C12orf54: variants seen among roughly 807,000 people sequenced by gnomAD.
C12orf54 encodes uncharacterized protein C12orf54.
Under a neutral mutation model 26.4 loss-of-function variants are expected in C12orf54, and 24 were observed. The ratio of observed to expected loss-of-function variants is 0.91; its 90% confidence interval spans 0.66 to 1.28. The LOEUF (loss-of-function observed/expected upper bound fraction) is 1.28. Ranked by LOEUF, C12orf54 falls within the 50% of genes most tolerant of loss-of-function variation. The pLI is 0.00. For missense variants in C12orf54, 154 were observed against 150.9 expected (o/e 1.02, Z -0.11); for synonymous variants, 54 against 47.0 (o/e 1.15, Z -0.61).
chr12:48,455,103 C>T, the C12orf54 span, among the ~76,000 whole-genome samples: 1 of 152,162 alleles, frequency 6.6e-6, no homozygotes, highest in African/African-American at 2.4e-5. Context: ...ATCCCATCCT[C>T]CAACCTCAAG....
intron 4 of C12orf54, chr12:48,488,311 A>G (rs1937703548): frequency 1.8e-6 from 1 of 547,380 alleles, no homozygotes; most frequent in South Asian, 1.7e-5. Flanking sequence ...GGGGAAGCCA[A>G]CAGAGATACC....
At chr12:48,464,135 C>T in the C12orf54 span, among the ~76,000 whole-genome samples, 3 of 152,100 alleles carry the variant, frequency 2.0e-5, no homozygotes, top group Admixed American at 1.3e-4. Flanking sequence ...GGAAGTCAAA[C>T]GATCTTTGTT....
Position 48,494,229 on chromosome 12 carries a change from A to C in C12orf54, c.243-569A>C, listed in dbSNP as rs1426938525. On this transcript the variant is annotated intron_variant, in intron 7 of 8. Transcript: ENST00000548364. The stretch of plus-strand genomic sequence containing the variant: ...AGTGAAACTCTGTCTCAAAAAAAAA[A>C]TTAATTTGACATGCTATGGTTTTTC... 1.3e-5 allele frequency among the ~76,000 whole-genome samples: 2 copies of C among 152,172 alleles called. 1 individual carries two copies. The highest frequency in any genetic ancestry group is 4.2e-4 in the South Asian group (2 of 4,814).
At chr12:48,461,997 T>C in the C12orf54 span, among the ~76,000 whole-genome samples, 9 of 151,290 alleles carry the variant, frequency 5.9e-5, no homozygotes, top group African/African-American at 1.9e-4. Flanking sequence ...AAAAAAGAGA[T>C]GGAGGGAGAG....
At chr12:48,490,955 G>T in intron 6 of C12orf54, 119 bp downstream of exon 6, 7 of 1,260,918 alleles carry the variant, frequency 5.6e-6, no homozygotes, top group Non-Finnish European at 8.0e-6. Context: ...GAGATATGGA[G>T]TTCATCCCAA....
intron 5 of C12orf54, chr12:48,489,245 T>C: frequency 1.7e-6 from 1 of 588,598 alleles, no homozygotes. Context: ...ATGCTGATAA[T>C]GACTAAGCTG....
chr12:48,438,300 A>C, the C12orf54 span, among the ~76,000 whole-genome samples: 2 of 152,256 alleles, frequency 1.3e-5, no homozygotes, highest in African/African-American at 4.8e-5. Context: ...GGTAGGAAGA[A>C]TCAATATCGT....
the C12orf54 span, among the ~76,000 whole-genome samples, chr12:48,451,181 A>G: frequency 1.3e-5 from 2 of 152,186 alleles, no homozygotes; most frequent in African/African-American, 4.8e-5. Flanking sequence ...GGTTCAACAT[A>G]CACAAATCAG....
the C12orf54 span, among the ~76,000 whole-genome samples, chr12:48,436,336 A>C: frequency 1.2e-4 from 19 of 152,314 alleles, 1 homozygote; most frequent in East Asian, 3.7e-3. Flanking sequence ...CACTGTCAAC[A>C]TTAGACAGAT....
At chr12:48,493,100 C>A in intron 7 of C12orf54, 105 bp downstream of exon 7, 1 of 1,054,748 alleles carries the variant, frequency 9.5e-7, no homozygotes, top group Non-Finnish European at 1.5e-6. Context: ...CCTTCAGAAG[C>A]CTGTGCTTCC....
At chr12:48,448,450 T>C in the C12orf54 span, among the ~76,000 whole-genome samples, 1 of 152,250 alleles carries the variant, frequency 6.6e-6, no homozygotes. Flanking sequence ...AAATAATTCA[T>C]TCATTTAATT....
the C12orf54 span, among the ~76,000 whole-genome samples, chr12:48,439,076 C>T: frequency 6.6e-6 from 1 of 152,052 alleles, no homozygotes; most frequent in Admixed American, 6.6e-5. Context: ...AACAAACAAC[C>T]CCATCAAAAC....
chr12:48,474,911 G>A, the C12orf54 span, among the ~76,000 whole-genome samples: 1 of 152,188 alleles, frequency 6.6e-6, no homozygotes, highest in Non-Finnish European at 1.5e-5. Flanking sequence ...GGTTCTCCCG[G>A]CACGCAGCTT....
At chr12:48,487,906 G>A in intron 4 of C12orf54, 1 of 591,122 alleles carries the variant, frequency 1.7e-6, no homozygotes, top group Non-Finnish European at 3.0e-6. Context: ...GGTTTTATAA[G>A]AAACTGCCAG....
At position 48,486,201 on chromosome 12, in the gene C12orf54, G is replaced by A. The variant is rs1334755530; in HGVS notation, c.89G>A (p.Arg30Lys). The A allele has an allele frequency of 1.9e-6, 3 of 1,610,704 alleles. No individual in the cohort carries two copies. In the African/African-American group the frequency reaches 4.0e-5, roughly 21 times the overall value. ...AGCACATCCATAGAAGAGACAATGA[G>A]ACCACAGGTGGGTAAGGTATCCAAA... ...QRSTSIEETM[R>K]PQEKQVTITE... Residue 30 changes from arginine to lysine, a missense_variant, in exon 3 of 9, where the codon AGA (arginine) becomes AAA (lysine). Transcript: ENST00000548364.
At chr12:48,435,787 C>T in the C12orf54 span, among the ~76,000 whole-genome samples, 5 of 152,148 alleles carry the variant, frequency 3.3e-5, no homozygotes, top group Admixed American at 2.6e-4. Flanking sequence ...ACAACCAGTA[C>T]CAGTGACTGC....
At chr12:48,455,189 C>T in the C12orf54 span, among the ~76,000 whole-genome samples, 2 of 152,126 alleles carry the variant, frequency 1.3e-5, no homozygotes, top group Non-Finnish European at 2.9e-5. Flanking sequence ...TAAATAAGAA[C>T]ATGCACGATT....
At chr12:48,489,865 G>A (rs917087664) in intron 5 of C12orf54, among the ~76,000 whole-genome samples, 1 of 151,992 alleles carries the variant, frequency 6.6e-6, no homozygotes, top group Non-Finnish European at 1.5e-5. Flanking sequence ...GGGATTACAG[G>A]TATGTGCCAC....
the C12orf54 span, among the ~76,000 whole-genome samples, chr12:48,443,693 G>A: frequency 6.9e-3 from 1,049 of 152,242 alleles, 8 homozygotes; most frequent in Non-Finnish European, 0.01. Flanking sequence ...CTGTACCCTC[G>A]TGCATTTGTA....
Sources: gnomAD v4.1 joint callset for allele counts (sites outside exome capture counted in the v4.1 genomes callset) on GRCh38, gnomAD v4.1.1 for gene constraint, MANE v1.5 for transcripts, NCBI Gene and HGNC (gene_info 2026-07-23, HGNC 2026-07-21) for gene names.